CAMK1D: variants seen among roughly 807,000 people sequenced by gnomAD.
The protein encoded by CAMK1D is calcium/calmodulin dependent protein kinase ID.
In CAMK1D, 9 loss-of-function variants were observed where a neutral mutation model predicts 47.7. The observed-to-expected ratio is 0.19, with a 90% CI of 0.11 to 0.33. The LOEUF (loss-of-function observed/expected upper bound fraction) is 0.33, where lower values mean the gene tolerates loss of function less well. CAMK1D is among the 10% of genes least tolerant of loss of function. The pLI, the probability that CAMK1D is intolerant of heterozygous loss-of-function variation, is 1.00. For synonymous variants in CAMK1D, 184 were observed against 184.9 expected, an observed-to-expected ratio of 0.99 and a Z score of 0.04; for missense variants, 291 against 488.7, an observed-to-expected ratio of 0.60 and a Z score of 3.81.
At chr10:12,689,379 C>T (rs1040566478) in intron 3 of CAMK1D, among the ~76,000 whole-genome samples, 4 of 152,200 alleles carry the variant, frequency 2.6e-5, no homozygotes, top group Non-Finnish European at 5.9e-5. Flanking sequence ...ATAAAGAAGT[C>T]ATGTTTCTCT....
At chr10:12,724,747 C>T (rs1358766476) in intron 3 of CAMK1D, among the ~76,000 whole-genome samples, 1 of 152,120 alleles carries the variant, frequency 6.6e-6, no homozygotes, top group Non-Finnish European at 1.5e-5. Flanking sequence ...CAGCTCAGGG[C>T]AGCCTGAGTT....
intron 3 of CAMK1D, among the ~76,000 whole-genome samples, chr10:12,717,731 G>GGAAAAAAA (rs1272250758): frequency 7.4e-5 from 9 of 121,184 alleles, no homozygotes; most frequent in African/African-American, 3.1e-4. Context: ...ACAAAAAATT[G>GGAAAAAAA]AAAAAAAAAA....
chr10:12,483,608 C>T (rs557365925), intron 1 of CAMK1D, among the ~76,000 whole-genome samples: 3 of 152,272 alleles, frequency 2.0e-5, no homozygotes, highest in African/African-American at 7.2e-5. Flanking sequence ...AAGTGATCCT[C>T]TCGCCTGGGC....
intron 2 of CAMK1D, among the ~76,000 whole-genome samples, chr10:12,619,375 C>A (rs1838920893): frequency 1.3e-5 from 2 of 152,018 alleles, no homozygotes; most frequent in Admixed American, 6.6e-5. Context: ...ACTACAGCCT[C>A]AGCCTGATGG....
chr10:12,527,350 CT>C (rs750670427), intron 1 of CAMK1D, among the ~76,000 whole-genome samples: 160 of 84,028 alleles, frequency 1.9e-3, no homozygotes, highest in Non-Finnish European at 2.6e-3. Flanking sequence ...ACTTGACTTG[CT>C]TTTTTTTTTT....
intron 6 of CAMK1D, among the ~76,000 whole-genome samples, chr10:12,808,634 G>A (rs549127573): frequency 3.1e-4 from 46 of 150,204 alleles, no homozygotes; most frequent in African/African-American, 1.0e-3. Flanking sequence ...AAAAAATGCC[G>A]GGTGTAGTGT....
At chr10:12,456,542 C>G (rs1833248068) in intron 1 of CAMK1D, 6 of 152,142 alleles carry the variant, frequency 3.9e-5, no homozygotes, top group Admixed American at 3.9e-4. Context: ...GGAAAACATT[C>G]TCAGGACCTA....
chr10:12,490,842 A>G (rs1308761064), intron 1 of CAMK1D, among the ~76,000 whole-genome samples: 1 of 152,216 alleles, frequency 6.6e-6, no homozygotes. Flanking sequence ...TTTGCGCGTG[A>G]TAGATATCCT....
intron 2 of CAMK1D, among the ~76,000 whole-genome samples, chr10:12,647,145 CTTTTTTTTTTTTT>C (rs397693477): frequency 1.3e-5 from 1 of 76,780 alleles, no homozygotes; most frequent in Non-Finnish European, 2.5e-5. Flanking sequence ...CCAGGCTAGC[CTTTTTTTTTTTTT>C]TTTTTTTTTG....
chr10:12,602,514 G>T (rs75085396), intron 2 of CAMK1D, among the ~76,000 whole-genome samples: 7 of 152,192 alleles, frequency 4.6e-5, no homozygotes, highest in African/African-American at 1.7e-4. Flanking sequence ...GTAGGAGCAG[G>T]TGCCATTTGG....
chr10:12,753,713 CTGTT>C lies in CAMK1D; in HGVS notation c.300-7232_300-7229del, dbSNP rs1258025803. On this transcript the variant is annotated intron_variant, in intron 3 of 10. Coordinates refer to ENST00000619168, the MANE Select transcript of CAMK1D (RefSeq NM_153498.4). ...GTGGCTGCACCAGCCACCCACTAGACTGTTTGACCTCTCCACCCAGCATTTCTAA... is the reference window on the plus strand; with the variant it reads ...GTGGCTGCACCAGCCACCCACTAGACTGACCTCTCCACCCAGCATTTCTAA... 4.8e-4 allele frequency among the ~76,000 whole-genome samples: 73 copies of C among 152,208 alleles called. 1 individual carries two copies. The highest frequency in any genetic ancestry group is 1.0e-4 in the Non-Finnish European group (7 of 68,034).
At chr10:12,527,280 C>A (rs1835655408) in intron 1 of CAMK1D, among the ~76,000 whole-genome samples, 1 of 151,612 alleles carries the variant, frequency 6.6e-6, no homozygotes, top group Non-Finnish European at 1.5e-5. Context: ...AGTCCTCTGG[C>A]CAGAAAAGGG....
intron 1 of CAMK1D, among the ~76,000 whole-genome samples, chr10:12,362,793 T>A (rs572392434): frequency 7.0e-6 from 1 of 142,662 alleles, no homozygotes; most frequent in African/African-American, 2.6e-5. Flanking sequence ...TACAGGCGCC[T>A]GCCACCACGC....
At chr10:12,436,681 C>T (rs908948389) in intron 1 of CAMK1D, among the ~76,000 whole-genome samples, 1 of 152,120 alleles carries the variant, frequency 6.6e-6, no homozygotes, top group African/African-American at 2.4e-5. Context: ...CAGCAAAGCC[C>T]CATGGGGGCA....
At chr10:12,545,310 C>T (rs1168067712) in intron 1 of CAMK1D, among the ~76,000 whole-genome samples, 1 of 19,458 alleles carries the variant, frequency 5.1e-5, no homozygotes, top group African/African-American at 1.2e-4. Context: ...ACTAGCTGGA[C>T]ATGGTGGTGT....
intron 1 of CAMK1D, among the ~76,000 whole-genome samples, chr10:12,552,817 C>T (rs1836628526): frequency 6.6e-6 from 1 of 152,234 alleles, no homozygotes; most frequent in Non-Finnish European, 1.5e-5. Flanking sequence ...TCTCGGCTCA[C>T]TGCAACCTCT....
chr10:12,600,263 C>T (rs1272410781), intron 2 of CAMK1D, among the ~76,000 whole-genome samples: 1 of 152,192 alleles, frequency 6.6e-6, no homozygotes, highest in Admixed American at 6.5e-5. Context: ...GCTGGGTGGG[C>T]CCCCCTGTTT....
At chr10:12,551,190 G>T (rs1836566177) in intron 1 of CAMK1D, among the ~76,000 whole-genome samples, 1 of 152,228 alleles carries the variant, frequency 6.6e-6, no homozygotes, top group Non-Finnish European at 1.5e-5. Flanking sequence ...ACTCCCCATT[G>T]TTCACGTTAC....
chr10:12,521,836 A>G (rs145260001), intron 1 of CAMK1D, among the ~76,000 whole-genome samples: 21 of 151,948 alleles, frequency 1.4e-4, no homozygotes, highest in African/African-American at 4.3e-4. Context: ...TTATATGACA[A>G]TCCTCTTTTT....
Sources: allele counts gnomAD v4.1 joint callset (sites outside exome capture counted in the v4.1 genomes callset), GRCh38; gene constraint gnomAD v4.1.1; transcripts MANE v1.5; gene names NCBI Gene and HGNC (gene_info 2026-07-23, HGNC 2026-07-21).